MAN1A2: variants seen among roughly 807,000 people sequenced by gnomAD.
MAN1A2 encodes mannosyl-oligosaccharide 1,2-alpha-mannosidase IB.
A neutral mutation model predicts 75.7 loss-of-function variants in MAN1A2; 26 were observed. The ratio of observed to expected loss-of-function variants is 0.34; its 90% CI spans 0.25 to 0.48. MAN1A2 has a LOEUF of 0.48. Ranked by LOEUF, MAN1A2 falls within the 20% of genes least tolerant of loss-of-function variation. MAN1A2 has a pLI of 0.99. For missense variants in MAN1A2, 562 were observed against 775.5 expected, an observed-to-expected ratio of 0.72 and a Z score of 3.27; for synonymous variants, 247 against 264.6, an observed-to-expected ratio of 0.93 and a Z score of 0.65.
chr1:117,443,511 G>C (rs1649112034), intron 6 of MAN1A2, among the ~76,000 whole-genome samples: 1 of 152,076 alleles, frequency 6.6e-6, no homozygotes, highest in African/African-American at 2.4e-5. Context: ...TATCTACTTA[G>C]ATAATAATTA....
chr1:117,498,633 A>T (rs1651105392), intron 10 of MAN1A2, among the ~76,000 whole-genome samples: 1 of 151,922 alleles, frequency 6.6e-6, no homozygotes, highest in African/African-American at 2.4e-5. Flanking sequence ...CAAGTTGATG[A>T]ACCCATGACC....
chr1:117,402,199 C>A lies in MAN1A2; in HGVS notation c.316C>A (p.Arg106Ser), dbSNP rs781263413. 5 of 1,609,280 alleles carry A rather than the reference C, an allele frequency of 3.1e-6. No homozygotes were observed. The highest frequency in any genetic ancestry group is 4.2e-6 in the Non-Finnish European group (5 of 1,178,580). The change falls in exon 2 of 13, where the codon CGT (arginine) becomes AGT (serine). Residue 106 changes from arginine (R) to serine (S), a missense_variant. Coordinates refer to ENST00000356554, the MANE Select transcript of MAN1A2 (RefSeq NM_006699.5). ...DEHRHREEEE[R>S]LRNKIRADHE... Reference sequence around the variant, plus strand: ...CTTTTCTCACAGGGAAGAGGAAGAACGTCTGAGAAATAAAATTCGAGCTGA... The same window carrying A: ...CTTTTCTCACAGGGAAGAGGAAGAAAGTCTGAGAAATAAAATTCGAGCTGA...
intron 12 of MAN1A2, among the ~76,000 whole-genome samples, chr1:117,504,012 C>G (rs535941338): frequency 6.6e-6 from 1 of 151,292 alleles, no homozygotes; most frequent in African/African-American, 2.4e-5. Flanking sequence ...ATTTTGCTCC[C>G]TCCTTTCCAT....
chr1:117,442,176 A>G, intron 5 of MAN1A2, 55 bp from the exon 6 acceptor site: 1 of 1,088,822 alleles, frequency 9.2e-7, no homozygotes, highest in Non-Finnish European at 1.4e-6. Flanking sequence ...AGAGAGCAAT[A>G]AGTAAATGCT....
chr1:117,395,813 C>T (rs1298865406), intron 1 of MAN1A2, among the ~76,000 whole-genome samples: 1 of 151,842 alleles, frequency 6.6e-6, no homozygotes, highest in Non-Finnish European at 1.5e-5. Flanking sequence ...TCTGGCACCA[C>T]TTGCAAATTC....
rs953510083 is a variant in MAN1A2, at chr1:117,525,858, G to A, written c.*2901G>A. On this transcript the variant is annotated 3_prime_UTR_variant, in exon 13 of 13. Transcript: ENST00000356554. ...AGTCAGGTGGTTCTTACTTTCTTGT[G>A]GGTTGCACATTTTGTATCTCTCTAA... The A allele has an allele frequency of 3.3e-5, 5 of 151,662 alleles. No individual in the cohort carries two copies. The highest frequency in any genetic ancestry group is 7.3e-5 in the African/African-American group (3 of 41,350). The allele number at this position is 151,662 out of a possible 1,614,324, so 9.4% of individuals were successfully genotyped here. A position where few individuals can be genotyped will look rare whatever the true frequency, so the allele number is the denominator to read the frequency against.
At chr1:117,415,392 T>C (rs181244721) in intron 4 of MAN1A2, among the ~76,000 whole-genome samples, 3 of 152,258 alleles carry the variant, frequency 2.0e-5, no homozygotes, top group Non-Finnish European at 4.4e-5. Context: ...TTGTGCTTGC[T>C]TTTCCTTTTG....
intron 1 of MAN1A2, among the ~76,000 whole-genome samples, chr1:117,390,985 A>G (rs1653700678): frequency 1.3e-5 from 2 of 152,132 alleles, no homozygotes; most frequent in South Asian, 4.1e-4. Flanking sequence ...AGAGTTTGGT[A>G]TGTTTAGTAT....
At chr1:117,465,909 A>G (rs1649965301) in intron 7 of MAN1A2, among the ~76,000 whole-genome samples, 1 of 152,154 alleles carries the variant, frequency 6.6e-6, no homozygotes, top group Admixed American at 6.6e-5. Flanking sequence ...GTTCAATTCA[A>G]ATTAATAACT....
In MAN1A2 at chr1:117,429,505, G is replaced by A. The variant is rs868610584; in HGVS notation, c.855+8856G>A. On this transcript the variant is annotated intron_variant, in intron 5 of 12. Transcript: ENST00000356554. ...GGGCCGACACCCCCACCTCCCTCCC[G>A]GACGGGGCGGCTGGCCGGGCGGGGG... Among the ~76,000 whole-genome samples, 257 of 68,790 alleles carry A rather than the reference G, an allele frequency of 3.7e-3. 3 individuals carry two copies. Among genetic ancestry groups the A allele is most frequent in the African/African-American group, 0.015 (232 of 15,212 alleles). The allele number at this position is 68,790 out of a possible 152,430, so 45.1% of individuals were successfully genotyped here.
rs571013097 is a variant in MAN1A2, at chr1:117,504,536, A to G, written c.1793+1566A>G. On this transcript the variant is annotated intron_variant, in intron 12 of 12. Transcript: ENST00000356554. ...TTTCAAGAAAAGGTCATCATCTTAC[A>G]TAATCACCATTCAGTTCTCACACTT... Among the ~76,000 whole-genome samples, 85 of 151,470 alleles carry G rather than the reference A, an allele frequency of 5.6e-4. 1 individual carries two copies. Among genetic ancestry groups the G allele is most frequent in the African/African-American group, 2.0e-3 (85 of 41,472 alleles).
intron 8 of MAN1A2, among the ~76,000 whole-genome samples, chr1:117,480,805 T>C (rs1650474231): frequency 6.6e-6 from 1 of 151,924 alleles, no homozygotes; most frequent in Non-Finnish European, 1.5e-5. Flanking sequence ...CCCCATTGCC[T>C]AGCCTTATCA....
At chr1:117,486,381 A>T (rs75954147) in intron 8 of MAN1A2, among the ~76,000 whole-genome samples, 41 of 152,032 alleles carry the variant, frequency 2.7e-4, no homozygotes, top group Non-Finnish European at 2.1e-4. Flanking sequence ...TATTCTCTAT[A>T]ATAAGGAGAA....
chr1:117,451,909 G>A (rs578202054), intron 6 of MAN1A2, among the ~76,000 whole-genome samples: 4 of 152,018 alleles, frequency 2.6e-5, no homozygotes, highest in African/African-American at 4.8e-5. Flanking sequence ...GACTGTGTGA[G>A]TCCAGGAGGC....
intron 8 of MAN1A2, among the ~76,000 whole-genome samples, chr1:117,477,637 T>C (rs1181638112): frequency 1.3e-5 from 2 of 152,016 alleles, no homozygotes; most frequent in Non-Finnish European, 2.9e-5. Flanking sequence ...GGAATGTATC[T>C]CAAAATAATA....
intron 1 of MAN1A2, among the ~76,000 whole-genome samples, chr1:117,371,834 A>G (rs1456642521): frequency 3.3e-5 from 5 of 152,014 alleles, no homozygotes; most frequent in Non-Finnish European, 7.4e-5. Context: ...TCTTTCTTGA[A>G]AAATTAGAGG....
chr1:117,389,339 AG>A (rs999715479), intron 1 of MAN1A2, among the ~76,000 whole-genome samples: 2 of 152,180 alleles, frequency 1.3e-5, no homozygotes, highest in African/African-American at 4.8e-5. Context: ...TGATGGCTTC[AG>A]GGTGAAACTG....
intron 8 of MAN1A2, among the ~76,000 whole-genome samples, chr1:117,488,672 C>T (rs1415013800): frequency 6.6e-6 from 1 of 151,820 alleles, no homozygotes; most frequent in Non-Finnish European, 1.5e-5. Context: ...TTGGTATATA[C>T]ATGTGTAAAC....
chr1:117,383,744 T>TAC (rs1557927827), intron 1 of MAN1A2, among the ~76,000 whole-genome samples: 1 of 147,580 alleles, frequency 6.8e-6, no homozygotes, highest in African/African-American at 2.5e-5. Flanking sequence ...TCATATTCTT[T>TAC]AAAAATTTTT....
Sources: allele counts gnomAD v4.1 joint callset (sites outside exome capture counted in the v4.1 genomes callset), GRCh38; gene constraint gnomAD v4.1.1; transcripts MANE v1.5; gene names NCBI Gene and HGNC (gene_info 2026-07-23, HGNC 2026-07-21).